The following MAST4 variants were observed in gnomAD, a reference collection of about 807,000 sequenced individuals.
MAST4 encodes microtubule-associated serine/threonine-protein kinase 4.
A neutral mutation model predicts 162.7 loss-of-function variants in MAST4; 89 were observed. The observed-to-expected ratio is 0.55, with a 90% CI of 0.46 to 0.65. The LOEUF (loss-of-function observed/expected upper bound fraction) is 0.65. Ranked by LOEUF, MAST4 falls within the 30% of genes least tolerant of loss-of-function variation. The pLI is 0.00. For missense variants in MAST4, 3,153 were observed against 3,374.0 expected, an observed-to-expected ratio of 0.93 and a Z score of 1.62; for synonymous variants, 1,479 against 1,361.1, an observed-to-expected ratio of 1.09 and a Z score of -1.91.
Position 66,847,834 on chromosome 5 carries a change from AAAAAAAAAAG to A in MAST4, c.643-52111_643-52102del, listed in dbSNP as rs1387202317. On this transcript the variant is annotated intron_variant, in intron 3 of 28. Transcript: ENST00000403625. ...AGACTCCTTCTCAAAAAAAAAAAAAAAAAAAAAAAGAAAAACCTTAACAGTAGCTCAAAGC... is the reference window on the plus strand; with the variant it reads ...AGACTCCTTCTCAAAAAAAAAAAAAAAAAAACCTTAACAGTAGCTCAAAGC... Among the ~76,000 whole-genome samples, 24 of 151,136 alleles carry A rather than the reference AAAAAAAAAAG, an allele frequency of 1.6e-4. No individual in the cohort carries two copies. In the East Asian group the frequency reaches 4.1e-3, roughly 26 times the overall value.
chr5:66,645,186 T>C (rs1210142885), intron 1 of MAST4, among the ~76,000 whole-genome samples: 1 of 152,164 alleles, frequency 6.6e-6, no homozygotes, highest in Non-Finnish European at 1.5e-5. Flanking sequence ...CTCTTTCATT[T>C]TGCAGATGAT....
chr5:66,804,949 ATAT>A lies in MAST4; in HGVS notation c.642+16157_642+16159del, dbSNP rs1200404901. 2.0e-5 allele frequency among the ~76,000 whole-genome samples: 3 copies of A among 152,054 alleles called. No homozygotes were observed. In the East Asian group the frequency reaches 5.8e-4, roughly 29 times the overall value. On this transcript the variant is annotated intron_variant, in intron 3 of 28. Coordinates refer to ENST00000403625, the MANE Select transcript of MAST4 (RefSeq NM_001164664.2). ...AGTTTTAAGTCTTTCTTCGTTCTTAATATTGTTTAGTTTTGTCTTCTCTCTCTC... is the reference window on the plus strand; with the variant it reads ...AGTTTTAAGTCTTTCTTCGTTCTTAATGTTTAGTTTTGTCTTCTCTCTCTC...
chr5:66,993,416 A>G (rs911369332), intron 4 of MAST4, among the ~76,000 whole-genome samples: 4 of 152,240 alleles, frequency 2.6e-5, no homozygotes, highest in African/African-American at 9.6e-5. Flanking sequence ...AGCTTTAAGC[A>G]TAGTAGGGCA....
chr5:67,053,181 G>A (rs1020501793), intron 4 of MAST4, among the ~76,000 whole-genome samples: 12 of 152,192 alleles, frequency 7.9e-5, no homozygotes, highest in Non-Finnish European at 1.6e-4. Context: ...CTGACCTTAA[G>A]AAATTATAAA....
At chr5:66,731,895 C>A (rs1282237773) in intron 1 of MAST4, among the ~76,000 whole-genome samples, 1 of 152,032 alleles carries the variant, frequency 6.6e-6, no homozygotes, top group African/African-American at 2.4e-5. Flanking sequence ...CCCTTGCTCC[C>A]CACAAGTAAG....
chr5:66,646,684 A>G (rs1216502723), intron 1 of MAST4, among the ~76,000 whole-genome samples: 2 of 152,192 alleles, frequency 1.3e-5, no homozygotes, highest in East Asian at 3.9e-4. Flanking sequence ...ACTCCAATTC[A>G]TGTTTCACTT....
At chr5:66,643,878 G>GTT (rs71610525) in intron 1 of MAST4, among the ~76,000 whole-genome samples, 42,482 of 141,780 alleles carry the variant, frequency 0.3, 6,429 homozygotes, top group African/African-American at 0.35. Flanking sequence ...AATAGCTTGT[G>GTT]TTTTTTTTTT....
chr5:66,987,020 T>C (rs1280579293), intron 4 of MAST4, among the ~76,000 whole-genome samples: 1 of 152,214 alleles, frequency 6.6e-6, no homozygotes, highest in Non-Finnish European at 1.5e-5. Flanking sequence ...AGATTCTTCA[T>C]GGTGTTGCAT....
intron 26 of MAST4, among the ~76,000 whole-genome samples, chr5:67,157,347 T>C (rs1772655891): frequency 6.6e-6 from 1 of 152,236 alleles, no homozygotes; most frequent in Admixed American, 6.5e-5. Context: ...GAACAGCCAC[T>C]TGTGGAGACA....
chr5:66,911,161 G>A (rs1763732444), intron 4 of MAST4, among the ~76,000 whole-genome samples: 1 of 152,174 alleles, frequency 6.6e-6, no homozygotes, highest in South Asian at 2.1e-4. Flanking sequence ...GCCAGTAACT[G>A]CATACTTCCT....
At chr5:66,713,980 T>G (rs1234901648) in intron 1 of MAST4, among the ~76,000 whole-genome samples, 4 of 152,344 alleles carry the variant, frequency 2.6e-5, no homozygotes, top group Non-Finnish European at 4.4e-5. Flanking sequence ...TTAATCCTGA[T>G]GATAATTCCA....
At chr5:67,108,744 C>G (rs1273667631) in intron 10 of MAST4, among the ~76,000 whole-genome samples, 1 of 152,064 alleles carries the variant, frequency 6.6e-6, no homozygotes, top group Non-Finnish European at 1.5e-5. Flanking sequence ...GGCTTAAATT[C>G]AGCAGACATA....
At chr5:66,943,979 G>T (rs894710260) in intron 4 of MAST4, among the ~76,000 whole-genome samples, 1 of 152,086 alleles carries the variant, frequency 6.6e-6, no homozygotes, top group African/African-American at 2.4e-5. Context: ...TGACATAGAG[G>T]TTGAGACTTC....
At chr5:66,652,866 G>A (rs540213218) in intron 1 of MAST4, among the ~76,000 whole-genome samples, 5 of 152,156 alleles carry the variant, frequency 3.3e-5, no homozygotes, top group Non-Finnish European at 7.4e-5. Context: ...TTTGAGGCAA[G>A]CGCTCTCATT....
At chr5:67,131,764 A>G (rs1253789962) in intron 15 of MAST4, 49 bp from the exon 16 acceptor site, 12 of 1,592,170 alleles carry the variant, frequency 7.5e-6, no homozygotes, top group Non-Finnish European at 8.6e-6. Context: ...CTGATTTTCT[A>G]CATTAAGCCT....
intron 1 of MAST4, among the ~76,000 whole-genome samples, chr5:66,711,673 A>G (rs559242191): frequency 8.0e-5 from 12 of 150,264 alleles, no homozygotes; most frequent in African/African-American, 2.9e-4. Context: ...CATCTCCACT[A>G]AAAATACAAG....
At chr5:67,136,874 CTT>C (rs1376426736) in intron 19 of MAST4, among the ~76,000 whole-genome samples, 1 of 152,014 alleles carries the variant, frequency 6.6e-6, no homozygotes, top group Admixed American at 6.5e-5. Context: ...GGTTGTTTGT[CTT>C]TGTTTTTTGT....
chr5:66,611,332 G>A (rs1161166672), intron 1 of MAST4, among the ~76,000 whole-genome samples: 1 of 152,182 alleles, frequency 6.6e-6, no homozygotes, highest in East Asian at 1.9e-4. Flanking sequence ...TTTGTTTTTG[G>A]AACTCAGACC....
At chr5:67,004,483 G>A (rs1751715787) in intron 4 of MAST4, 1 of 153,864 alleles carries the variant, frequency 6.5e-6, no homozygotes, top group Non-Finnish European at 1.4e-5. Context: ...TTCCTTGTAT[G>A]TAGATACCAA....
Sources: gnomAD v4.1 joint callset for allele counts (sites outside exome capture counted in the v4.1 genomes callset) on GRCh38, gnomAD v4.1.1 for gene constraint, MANE v1.5 for transcripts, NCBI Gene and HGNC (gene_info 2026-07-23, HGNC 2026-07-21) for gene names.